HTR1F: variants seen among roughly 807,000 people sequenced by gnomAD.
HTR1F encodes the protein 5-hydroxytryptamine receptor 1F, also known as 5-hydroxytryptamine (serotonin) receptor 1F, G protein-coupled.
HTR1F carries 17 observed loss-of-function variants against 24.0 expected under a neutral mutation model. That is an observed-to-expected ratio of 0.71 (90% CI 0.48 to 1.06). The LOEUF is 1.06. HTR1F is among the 50% of genes least tolerant of loss of function. HTR1F has a pLI of 0.00. For synonymous variants in HTR1F, 186 were observed against 156.8 expected (o/e 1.19, Z -1.39); for missense variants, 391 against 427.8 (o/e 0.91, Z 0.76).
intron 2 of HTR1F, among the ~76,000 whole-genome samples, chr3:87,936,571 A>G (rs1176898437): frequency 6.6e-6 from 1 of 152,212 alleles, no homozygotes; most frequent in Non-Finnish European, 1.5e-5. Flanking sequence ...CACAGACTGG[A>G]GGTAAAATCT....
At chr3:87,840,084 A>G (rs1429169771) in intron 2 of HTR1F, among the ~76,000 whole-genome samples, 2 of 152,194 alleles carry the variant, frequency 1.3e-5, no homozygotes, top group Non-Finnish European at 2.9e-5. Context: ...AAATGGGTGC[A>G]TATGGCTTTT....
chr3:87,918,755 C>A (rs564169820), intron 2 of HTR1F, among the ~76,000 whole-genome samples: 2 of 152,010 alleles, frequency 1.3e-5, no homozygotes, highest in African/African-American at 4.8e-5. Flanking sequence ...ACATCCCTTG[C>A]TCATGGATGA....
Position 87,990,884 on chromosome 3 carries a change from C to T in HTR1F, c.135C>T (p.Ile45=), listed in dbSNP as rs111422517. 724 of 1,614,180 alleles carry T rather than the reference C, an allele frequency of 4.5e-4. 2 individuals carry two copies. In the African/African-American group the frequency reaches 7.9e-3, roughly 18 times the overall value. Residue 45 remains isoleucine (I), a synonymous_variant, in exon 3 of 3, where the codon ATC becomes ATT. Transcript: ENST00000319595. ...CAACAACTATCAACTCCCTTGTGAT[C>T]GCTGCAATTATTGTGACCCGGAAGC... The part of the protein sequence containing the change: ...LMTTTINSLV[I]AAIIVTRKLH...
intron 2 of HTR1F, among the ~76,000 whole-genome samples, chr3:87,931,895 G>GT (rs965342128): frequency 3.2e-4 from 49 of 151,290 alleles, no homozygotes; most frequent in Non-Finnish European, 6.2e-4. Flanking sequence ...TGATGGGGTT[G>GT]TTTTTTTCTT....
At chr3:87,877,223 C>T (rs1705690404) in intron 2 of HTR1F, among the ~76,000 whole-genome samples, 1 of 152,036 alleles carries the variant, frequency 6.6e-6, no homozygotes. Context: ...CTCTCCAAGC[C>T]AGTTTTTTTG....
chr3:87,926,236 C>CA (rs1704123860), intron 2 of HTR1F, among the ~76,000 whole-genome samples: 1 of 152,164 alleles, frequency 6.6e-6, no homozygotes, highest in Non-Finnish European at 1.5e-5. Context: ...AAAAAACACT[C>CA]ACTGCAGTTC....
chr3:87,916,755 T>C lies in HTR1F; in HGVS notation c.-42-73953T>C, dbSNP rs560708501. On this transcript the variant is annotated intron_variant, in intron 2 of 2. Transcript: ENST00000319595. The stretch of plus-strand genomic sequence containing the variant: ...TTACTAATAGACCTAAGCAATGAGA[T>C]AGCAGCACAATAATACTTCAATACT... Among the ~76,000 whole-genome samples the C allele has an allele frequency of 1.3e-4, 20 of 151,874 alleles. No individual in the cohort carries two copies. In the South Asian group the frequency reaches 3.9e-3, roughly 30 times the overall value.
intron 2 of HTR1F, among the ~76,000 whole-genome samples, chr3:87,832,318 T>TC (rs1704597574): frequency 1.5e-5 from 1 of 68,934 alleles, no homozygotes; most frequent in Admixed American, 1.3e-4. Flanking sequence ...TATCCCTTCT[T>TC]TTTTTTTTTT....
At chr3:87,933,180 A>T (rs1257502917) in intron 2 of HTR1F, among the ~76,000 whole-genome samples, 1 of 152,146 alleles carries the variant, frequency 6.6e-6, no homozygotes, top group African/African-American at 2.4e-5. Context: ...CTCTCAATAA[A>T]TTAGGTATTG....
chr3:87,979,970 T>A (rs1475318333), intron 2 of HTR1F, among the ~76,000 whole-genome samples: 2 of 152,024 alleles, frequency 1.3e-5, no homozygotes, highest in African/African-American at 4.8e-5. Flanking sequence ...CCGAAGAGAG[T>A]GCCTCAGCCC....
intron 2 of HTR1F, among the ~76,000 whole-genome samples, chr3:87,970,163 A>G (rs1705256226): frequency 6.6e-6 from 1 of 152,246 alleles, no homozygotes; most frequent in African/African-American, 2.4e-5. Flanking sequence ...AACATTAAGC[A>G]GAGTAGTGGG....
chr3:87,945,530 G>A (rs542715941), intron 2 of HTR1F, among the ~76,000 whole-genome samples: 20 of 152,310 alleles, frequency 1.3e-4, no homozygotes, highest in East Asian at 5.8e-4. Context: ...TTCTGGCTGC[G>A]CCATGATGTC....
chr3:87,860,146 A>C (rs1232605734), intron 2 of HTR1F, among the ~76,000 whole-genome samples: 3 of 152,242 alleles, frequency 2.0e-5, no homozygotes, highest in Non-Finnish European at 2.9e-5. Context: ...CATAATCTGC[A>C]TATACCATTT....
intron 2 of HTR1F, among the ~76,000 whole-genome samples, chr3:87,972,479 G>T (rs981048823): frequency 6.6e-5 from 10 of 152,102 alleles, no homozygotes; most frequent in Non-Finnish European, 1.2e-4. Flanking sequence ...GATGCACAAG[G>T]TTGTGATTAA....
chr3:87,872,449 G>A (rs545486832), intron 2 of HTR1F, among the ~76,000 whole-genome samples: 1 of 151,982 alleles, frequency 6.6e-6, no homozygotes, highest in East Asian at 1.9e-4. Flanking sequence ...AGGTGAAACA[G>A]AATAGAAAAA....
chr3:87,911,336 A>C (rs1253145880), intron 2 of HTR1F, among the ~76,000 whole-genome samples: 3 of 152,164 alleles, frequency 2.0e-5, no homozygotes, highest in Non-Finnish European at 4.4e-5. Flanking sequence ...TATTATGAAC[A>C]CCTCTGTGCA....
At chr3:87,900,553 G>C (rs1331550204) in intron 2 of HTR1F, among the ~76,000 whole-genome samples, 2 of 152,194 alleles carry the variant, frequency 1.3e-5, no homozygotes, top group Non-Finnish European at 2.9e-5. Context: ...AAGGTGGTAA[G>C]GGTAGAAGCA....
chr3:87,862,416 G>T (rs1705337143), intron 2 of HTR1F, among the ~76,000 whole-genome samples: 1 of 152,178 alleles, frequency 6.6e-6, no homozygotes, highest in South Asian at 2.1e-4. Context: ...TATTGTGAAA[G>T]ATAATACAGT....
In HTR1F at chr3:87,912,526, T is replaced by C. The variant is rs1022513730; in HGVS notation, c.-42-78182T>C. On this transcript the variant is annotated intron_variant, in intron 2 of 2. Transcript: ENST00000319595. ...CAATTTACAGATTCAATGCTATTCCTGTCAAACCACCTATGACATTCTTCA... is the reference window on the plus strand; with the variant it reads ...CAATTTACAGATTCAATGCTATTCCCGTCAAACCACCTATGACATTCTTCA... 6.0e-5 allele frequency among the ~76,000 whole-genome samples: 9 copies of C among 150,670 alleles called. 1 individual carries two copies. The East Asian group carries it at 9.8e-4, about 16-fold the overall frequency.
Sources: gnomAD v4.1 joint callset for allele counts (sites outside exome capture counted in the v4.1 genomes callset) on GRCh38, gnomAD v4.1.1 for gene constraint, MANE v1.5 for transcripts, NCBI Gene and HGNC (gene_info 2026-07-23, HGNC 2026-07-21) for gene names.